ASMTL: variants seen among roughly 807,000 people sequenced by gnomAD.
ASMTL encodes the protein acetylserotonin O-methyltransferase like, also known as probable bifunctional dTTP/UTP pyrophosphatase/methyltransferase protein.
A neutral mutation model predicts 60.3 loss-of-function variants in ASMTL; 57 were observed. The observed-to-expected ratio is 0.95, with a 90% CI of 0.76 to 1.18. The LOEUF (loss-of-function observed/expected upper bound fraction) is 1.18, where lower values mean the gene tolerates loss of function less well. Among genes scored for constraint, ASMTL ranks in the 50% most tolerant of loss-of-function variants. The pLI is 0.00. For synonymous variants in ASMTL, 419 were observed against 373.0 expected (o/e 1.12, Z -1.42); for missense variants, 981 against 852.6 (o/e 1.15, Z -1.88).
chrX:1,439,099 C>A lies in ASMTL; in HGVS notation c.271G>T (p.Val91Leu). ...CGAGGCACCCTGGCCGCACTCACCA[C>A]GATCGTGTCCGCTCCAATGACCACG... Reference protein sequence around the residue: ...PDVVIGADTIVTVGGLILEKP... With the variant: ...PDVVIGADTILTVGGLILEKP... The change falls in exon 3 of 13, where the codon GTG becomes TTG. Residue 91 changes from valine to leucine, a missense_variant and splice_region_variant. Val to Leu is a conservative substitution (Grantham distance 32, BLOSUM62 1). Coordinates refer to ENST00000381317, the MANE Select transcript of ASMTL (RefSeq NM_004192.4). The A allele has an allele frequency of 6.2e-7, 1 of 1,614,044 alleles. No individual in the cohort carries two copies. Among genetic ancestry groups the A allele is most frequent in the Non-Finnish European group, 8.5e-7 (1 of 1,179,870 alleles).
At chrX:1,417,485 A>G (rs1419400523) in intron 11 of ASMTL, among the ~76,000 whole-genome samples, 1 of 148,404 alleles carries the variant, frequency 6.7e-6, no homozygotes, top group African/African-American at 2.5e-5. Flanking sequence ...ATATGCACGG[A>G]AGACACACAC....
At chrX:1,405,780 A>G (rs2089805350) in intron 12 of ASMTL, among the ~76,000 whole-genome samples, 1 of 151,196 alleles carries the variant, frequency 6.6e-6, no homozygotes, top group Non-Finnish European at 1.5e-5. Flanking sequence ...AGGTAGGAAG[A>G]TGAATAGATG....
At chrX:1,445,819 AG>A (rs1254749389) in intron 1 of ASMTL, among the ~76,000 whole-genome samples, 2 of 152,226 alleles carry the variant, frequency 1.3e-5, no homozygotes, top group African/African-American at 4.8e-5. Context: ...AGGAAAAGCC[AG>A]GCCATACAGA....
At chrX:1,407,740 G>T (rs1478894054) in intron 12 of ASMTL, among the ~76,000 whole-genome samples, 1 of 151,730 alleles carries the variant, frequency 6.6e-6, no homozygotes, top group Non-Finnish European at 1.5e-5. Flanking sequence ...TTTAAAAAAG[G>T]ATGATAGATG....
At chrX:1,411,191 A>C (rs28522700) in intron 12 of ASMTL, among the ~76,000 whole-genome samples, 131,836 of 151,618 alleles carry the variant, frequency 0.87, 57,436 homozygotes, top group Middle Eastern at 0.97. Flanking sequence ...CTCAAAAAAA[A>C]AAAAGAAGAG....
chrX:1,445,606 A>T (rs2091214566), intron 1 of ASMTL, among the ~76,000 whole-genome samples: 1 of 152,010 alleles, frequency 6.6e-6, no homozygotes, highest in African/African-American at 2.4e-5. Context: ...TGCACCTCTC[A>T]TTGTGGGCGG....
At chrX:1,431,716 GTAAA>G (rs1330399213) in intron 6 of ASMTL, among the ~76,000 whole-genome samples, 4 of 148,304 alleles carry the variant, frequency 2.7e-5, no homozygotes, top group Non-Finnish European at 5.9e-5. Context: ...ATATATAATT[GTAAA>G]TATATATCAT....
At chrX:1,435,222 G>T (rs1294101013) in intron 4 of ASMTL, 139 bp from the exon 5 acceptor site, 9 of 897,442 alleles carry the variant, frequency 1.0e-5, no homozygotes, top group Non-Finnish European at 1.6e-5. Flanking sequence ...CGATCGTCCC[G>T]CTGTGGGGTC....
chrX:1,415,567 G>C (rs1479013310), intron 11 of ASMTL, among the ~76,000 whole-genome samples: 1 of 151,500 alleles, frequency 6.6e-6, no homozygotes, highest in Admixed American at 6.6e-5. Context: ...CCAGGTTCAA[G>C]CGATTTTCCT....
At chrX:1,410,503 C>T (rs1291662812) in intron 12 of ASMTL, among the ~76,000 whole-genome samples, 6 of 152,030 alleles carry the variant, frequency 3.9e-5, no homozygotes, top group South Asian at 2.1e-4. Flanking sequence ...CAACCTTCGC[C>T]TCCCAGGTTC....
rs73618976 is a variant in ASMTL, at chrX:1,415,204, G to T, written c.1523-2350C>A. Among the ~76,000 whole-genome samples the T allele has an allele frequency of 1.6e-4, 25 of 151,794 alleles. No homozygotes were observed. The East Asian group carries it at 3.1e-3, about 19-fold the overall frequency. On this transcript the variant is annotated intron_variant, in intron 11 of 12. Coordinates refer to ENST00000381317, the MANE Select transcript of ASMTL (RefSeq NM_004192.4). ...GATCCACCCGCCTCAGCCTCCCAGA[G>T]GGCTGGGATTCCAGGCGTCTCCTGT...
chrX:1,436,786 C>T (rs772847105), intron 3 of ASMTL, among the ~76,000 whole-genome samples: 1 of 152,348 alleles, frequency 6.6e-6, no homozygotes, highest in South Asian at 2.1e-4. Context: ...CTGCTGTGAA[C>T]ATTCATGTAG....
intron 6 of ASMTL, among the ~76,000 whole-genome samples, chrX:1,428,583 G>C (rs1202919497): frequency 1.3e-5 from 2 of 150,658 alleles, no homozygotes; most frequent in African/African-American, 4.9e-5. Context: ...GGAGGAGGAG[G>C]TTGCAGTGAG....
intron 8 of ASMTL, among the ~76,000 whole-genome samples, chrX:1,424,540 A>ACATCCATC (rs764348448): frequency 1.3e-5 from 1 of 75,498 alleles, no homozygotes; most frequent in African/African-American, 3.9e-5. Context: ...ATCCATCCAC[A>ACATCCATC]CATCCATCCA....
At chrX:1,425,092 C>T (rs1415068261) in intron 8 of ASMTL, among the ~76,000 whole-genome samples, 5 of 152,044 alleles carry the variant, frequency 3.3e-5, no homozygotes, top group African/African-American at 1.2e-4. Flanking sequence ...ATCAACTCTA[C>T]CCATCATCTA....
chrX:1,427,158 T>G (rs4292893), intron 7 of ASMTL, among the ~76,000 whole-genome samples: 97,626 of 151,474 alleles, frequency 0.64, 32,398 homozygotes, highest in East Asian at 0.83. Flanking sequence ...GAAGGCCACG[T>G]GGAGACAAAG....
intron 1 of ASMTL, among the ~76,000 whole-genome samples, chrX:1,445,476 G>C (rs1339581759): frequency 1.3e-5 from 2 of 152,080 alleles, no homozygotes; most frequent in African/African-American, 4.8e-5. Context: ...AATGACAGCA[G>C]ATGGCCCGAA....
At chrX:1,418,628 C>T (rs1230599549) in intron 10 of ASMTL, among the ~76,000 whole-genome samples, 1 of 152,078 alleles carries the variant, frequency 6.6e-6, no homozygotes, top group African/African-American at 2.4e-5. Context: ...CCCCCAGCAG[C>T]CCTTGGGAAT....
chrX:1,448,718 TGGACACACACCATCTG>T (rs1333209787), intron 1 of ASMTL, among the ~76,000 whole-genome samples: 2 of 151,608 alleles, frequency 1.3e-5, no homozygotes, highest in African/African-American at 4.9e-5. Context: ...ACCACCATCT[TGGACACACACCATCTG>T]GGACACACAC....
Sources: allele counts gnomAD v4.1 joint callset (sites outside exome capture counted in the v4.1 genomes callset), GRCh38; gene constraint gnomAD v4.1.1; transcripts MANE v1.5; gene names NCBI Gene and HGNC (gene_info 2026-07-23, HGNC 2026-07-21).